APBB1IP: variants seen among roughly 807,000 people sequenced by gnomAD.
The protein encoded by APBB1IP is amyloid beta precursor protein binding family B member 1 interacting protein, also known as amyloid beta A4 precursor protein-binding family B member 1-interacting protein.
Under a neutral mutation model 64.9 loss-of-function variants are expected in APBB1IP, and 27 were observed. The observed-to-expected ratio is 0.42, with a 90% CI of 0.31 to 0.57. The LOEUF is 0.57. Ranked by LOEUF, APBB1IP falls within the 20% of genes least tolerant of loss-of-function variation. The probability of loss-of-function intolerance (pLI) is 0.20; values close to 1 mark genes in which losing one functional copy is unlikely to be tolerated. For synonymous variants in APBB1IP, 392 were observed against 331.0 expected, an observed-to-expected ratio of 1.18 and a Z score of -2.00; for missense variants, 812 against 845.5, an observed-to-expected ratio of 0.96 and a Z score of 0.49.
intron 9 of APBB1IP, among the ~76,000 whole-genome samples, chr10:26,534,183 T>C (rs1358535366): frequency 6.7e-6 from 1 of 150,018 alleles, no homozygotes; most frequent in Non-Finnish European, 1.5e-5. Flanking sequence ...GCTCTGAGCC[T>C]CGCATGGGGG....
chr10:26,501,288 G>A, intron 5 of APBB1IP, 177 bp downstream of exon 5: 1 of 800,908 alleles, frequency 1.2e-6, no homozygotes, highest in Non-Finnish European at 1.9e-6. Flanking sequence ...CAAGCCACAT[G>A]GGTGTGTATC....
chr10:26,452,915 TTC>T (rs10530789), intron 2 of APBB1IP, among the ~76,000 whole-genome samples: 60,547 of 151,876 alleles, frequency 0.4, 12,181 homozygotes, highest in South Asian at 0.5. Context: ...GTATTTGAAT[TTC>T]TGTTTCTGAG....
chr10:26,500,948 C>T lies in APBB1IP; in HGVS notation c.290C>T (p.Ala97Val), dbSNP rs1300328075. ...TCCTTGCAGAATCAACATCATTCAG[C>T]ATCTCTACAAGCATCAATTTTCAGT... ...KESLQNQHHSASLQASIFSGA... is the reference protein window; with the variant it reads ...KESLQNQHHSVSLQASIFSGA... Residue 97 changes from alanine (A) to valine (V), a missense_variant, in exon 5 of 15, where the codon GCA becomes GTA. Physicochemically the swap from Ala to Val is moderately conservative, Grantham distance 64. Transcript: ENST00000376236. 3.1e-6 allele frequency: 5 copies of T among 1,614,188 alleles called. No homozygotes were observed. The Admixed American group carries it at 6.7e-5, about 22-fold the overall frequency.
chr10:26,512,100 G>A (rs1364763222), intron 7 of APBB1IP, among the ~76,000 whole-genome samples, 194 bp downstream of exon 7: 1 of 152,200 alleles, frequency 6.6e-6, no homozygotes, highest in East Asian at 1.9e-4. Flanking sequence ...AAAGTGCTGT[G>A]ATTACAGGTG....
chr10:26,523,464 T>G (rs570282282), intron 8 of APBB1IP, among the ~76,000 whole-genome samples: 110 of 152,352 alleles, frequency 7.2e-4, no homozygotes, highest in Admixed American at 1.9e-3. Context: ...AGCCTTACCC[T>G]GGGGCAGTAA....
chr10:26,448,944 AAG>A (rs1019155832), intron 2 of APBB1IP, among the ~76,000 whole-genome samples: 1 of 152,182 alleles, frequency 6.6e-6, no homozygotes, highest in Non-Finnish European at 1.5e-5. Context: ...GCTAGTTCAC[AAG>A]CATAACACTC....
At chr10:26,499,533 T>G (rs10764627) in intron 4 of APBB1IP, among the ~76,000 whole-genome samples, 43,784 of 151,854 alleles carry the variant, frequency 0.29, 6,570 homozygotes, top group East Asian at 0.55. Context: ...CCTCAGTCTG[T>G]TTCATCATAT....
chr10:26,562,555 T>G (rs1836987362), intron 14 of APBB1IP, 126 bp downstream of exon 14: 1 of 710,736 alleles, frequency 1.4e-6, no homozygotes, highest in Non-Finnish European at 2.3e-6. Flanking sequence ...ATCCCAGAAC[T>G]TTGGGAGGCT....
At chr10:26,513,202 G>A (rs1490521456) in intron 7 of APBB1IP, among the ~76,000 whole-genome samples, 3 of 152,172 alleles carry the variant, frequency 2.0e-5, no homozygotes, top group Non-Finnish European at 2.9e-5. Context: ...GATTGCTTGA[G>A]CCTTGAGCCT....
At chr10:26,560,229 T>C (rs1836949911) in intron 12 of APBB1IP, 26 bp downstream of exon 12, 3 of 1,603,722 alleles carry the variant, frequency 1.9e-6, no homozygotes, top group Non-Finnish European at 2.6e-6. Context: ...GACTTCACCC[T>C]GTCTTGAACT....
In APBB1IP at chr10:26,501,118, A is replaced by G. The variant is rs774537351; in HGVS notation, c.453+7A>G. The G allele has an allele frequency of 4.3e-6, 7 of 1,614,160 alleles. No individual in the cohort carries two copies. The highest frequency in any genetic ancestry group is 1.1e-5 in the South Asian group (1 of 91,088). On this transcript the variant is annotated splice_region_variant and intron_variant, in intron 5 of 14. Coordinates refer to ENST00000376236, the MANE Select transcript of APBB1IP (RefSeq NM_019043.4). ...TCCTGAACCTCTCTCTCAGGTAAGT[A>G]TGTGGGACCAGAGATGGCAGGACCA...
chr10:26,549,340 A>T (rs1443227679), intron 11 of APBB1IP, among the ~76,000 whole-genome samples: 1 of 152,220 alleles, frequency 6.6e-6, no homozygotes, highest in African/African-American at 2.4e-5. Flanking sequence ...TAGGCCTCAT[A>T]GAATGAGTTT....
At chr10:26,515,204 G>A (rs544742683) in intron 8 of APBB1IP, among the ~76,000 whole-genome samples, 33 of 152,176 alleles carry the variant, frequency 2.2e-4, no homozygotes, top group South Asian at 6.2e-4. Context: ...TAACAACTGC[G>A]TTAGTGAGGG....
Position 26,515,071 on chromosome 10 carries a change from T to C in APBB1IP, c.813+1411T>C, listed in dbSNP as rs532024833. On this transcript the variant is annotated intron_variant, in intron 8 of 14. Coordinates refer to ENST00000376236, the MANE Select transcript of APBB1IP (RefSeq NM_019043.4). ...TTTTTTTTTTGTATTTTAGTAGAGA[T>C]GGGGTTTCACCGTGTTGGCCAGGGT... is the stretch of plus-strand genomic sequence containing the variant. 7.5e-5 allele frequency among the ~76,000 whole-genome samples: 11 copies of C among 146,182 alleles called. No individual in the cohort carries two copies. The South Asian group carries it at 8.6e-4, about 11-fold the overall frequency.
rs181471467 is a variant in APBB1IP, at chr10:26,537,867, G to A, written c.1044+1650G>A. 3.3e-5 allele frequency among the ~76,000 whole-genome samples: 5 copies of A among 151,408 alleles called. No individual in the cohort carries two copies. In the East Asian group the frequency reaches 9.7e-4, roughly 29 times the overall value. On this transcript the variant is annotated intron_variant, in intron 10 of 14. Transcript: ENST00000376236. ...GGGAATCACTTGAACTTGGGAGGTGGAGGTTGCAGTGGCCTGAGATCATGC... is the reference window on the plus strand; with the variant it reads ...GGGAATCACTTGAACTTGGGAGGTGAAGGTTGCAGTGGCCTGAGATCATGC...
intron 2 of APBB1IP, among the ~76,000 whole-genome samples, chr10:26,471,357 G>T (rs1472150071): frequency 1.3e-5 from 2 of 152,128 alleles, no homozygotes; most frequent in Non-Finnish European, 2.9e-5. Context: ...ATTACTTTTT[G>T]TTTTATGTTA....
At chr10:26,499,221 C>A in intron 4 of APBB1IP, among the ~76,000 whole-genome samples, 1 of 151,802 alleles carries the variant, frequency 6.6e-6, no homozygotes, top group East Asian at 1.9e-4. Context: ...AGCTATGATC[C>A]TACCACTGCA....
At chr10:26,458,057 G>A (rs937685167) in intron 2 of APBB1IP, among the ~76,000 whole-genome samples, 3 of 152,124 alleles carry the variant, frequency 2.0e-5, no homozygotes, top group Admixed American at 6.6e-5. Context: ...GTATGGAGCC[G>A]AAAGTGCAAG....
rs746834756 is a variant in APBB1IP, at chr10:26,567,126, C to T, written c.1639C>T (p.Pro547Ser). The change falls in exon 15 of 15, where the codon CCC becomes TCC. Residue 547 changes from proline to serine, a missense_variant. Physicochemically the swap from Pro to Ser is moderately conservative, Grantham distance 74. Coordinates refer to ENST00000376236, the MANE Select transcript of APBB1IP (RefSeq NM_019043.4). ...CAAGGGCACAGGCGGCGGGGGCTTG[C>T]CCGCCCCACCCGACGACTTCCTGCC... ...KAKGTGGGGL[P>S]APPDDFLPPP... 7.1e-7 allele frequency: 1 copy of T among 1,417,212 alleles called. No individual in the cohort carries two copies. Among genetic ancestry groups the T allele is most frequent in the Non-Finnish European group, 9.1e-7 (1 of 1,096,968 alleles). 87.8% of individuals were successfully genotyped at this position (1,417,212 alleles called of 1,614,324 possible). A position where few individuals can be genotyped will look rare whatever the true frequency, so the allele number is the denominator to read the frequency against.
Sources: allele counts gnomAD v4.1 joint callset (sites outside exome capture counted in the v4.1 genomes callset), GRCh38; gene constraint gnomAD v4.1.1; transcripts MANE v1.5; gene names NCBI Gene and HGNC (gene_info 2026-07-23, HGNC 2026-07-21).